ZFP30: variants seen among roughly 807,000 people sequenced by gnomAD.
ZFP30 encodes zinc finger protein 30 homolog.
Under a neutral mutation model 12.3 loss-of-function variants are expected in ZFP30, and 16 were observed. The observed-to-expected ratio is 1.30, with a 90% CI of 0.88 to 1.98. ZFP30 has a LOEUF of 1.98. Ranked by LOEUF, ZFP30 falls within the 30% of genes most tolerant of loss-of-function variation. The pLI, the probability that ZFP30 is intolerant of heterozygous loss-of-function variation, is 0.00. For missense variants in ZFP30, 560 were observed against 611.2 expected (o/e 0.92, Z 0.88); for synonymous variants, 172 against 201.0 (o/e 0.86, Z 1.22).
rs547835211 is a variant in ZFP30, at chr19:37,631,725, T to C, written c.*3256A>G. The stretch of plus-strand genomic sequence containing the variant: ...AGACAATAAGCATGAATTGAGATGA[T>C]ACTGGGCCAGAATCGTATCTCTTTT... On this transcript the variant is annotated 3_prime_UTR_variant, in exon 6 of 6. Coordinates refer to ENST00000684514, the MANE Select transcript of ZFP30 (RefSeq NM_001320669.3). 1 of 149,548 alleles carries C rather than the reference T, an allele frequency of 6.7e-6. No homozygotes were observed. The highest frequency in any genetic ancestry group is 1.5e-5 in the Non-Finnish European group (1 of 67,508). The allele number at this position is 149,548 out of a possible 1,614,324, so 9.3% of individuals were successfully genotyped here. A position where few individuals can be genotyped will look rare whatever the true frequency, so the allele number is the denominator to read the frequency against.
At chr19:37,643,630 C>T (rs1417319300) in intron 4 of ZFP30, among the ~76,000 whole-genome samples, 2 of 152,150 alleles carry the variant, frequency 1.3e-5, no homozygotes, top group Non-Finnish European at 2.9e-5. Flanking sequence ...TCTCTCTGCA[C>T]CTCATTTTTC....
chr19:37,636,954 G>T (rs908611631), intron 5 of ZFP30, among the ~76,000 whole-genome samples: 1 of 151,624 alleles, frequency 6.6e-6, no homozygotes, highest in Non-Finnish European at 1.5e-5. Context: ...CAAGTGATCC[G>T]CCTGCCTCGG....
chr19:37,652,204 CTT>C (rs2044665088), intron 2 of ZFP30, among the ~76,000 whole-genome samples: 1 of 152,162 alleles, frequency 6.6e-6, no homozygotes, highest in Non-Finnish European at 1.5e-5. Context: ...CTGAATTCCT[CTT>C]TTAAACTAAG....
chr19:37,636,086 T>A lies in ZFP30; in HGVS notation c.455A>T (p.His152Leu). Residue 152 changes from histidine (H) to leucine (L), a missense_variant, in exon 6 of 6, where the codon CAT becomes CTT. Coordinates refer to ENST00000684514, the MANE Select transcript of ZFP30 (RefSeq NM_001320669.3). ...ACATTCGTAGGGTTTCTCTCTGTTATGACTTTTCTGATACAGAGGAAGAGA... is the reference window on the plus strand; with the variant it reads ...ACATTCGTAGGGTTTCTCTCTGTTAAGACTTTTCTGATACAGAGGAAGAGA... The part of the protein sequence containing the change: ...LTSLPLYQKS[H>L]NREKPYECGE... The A allele has an allele frequency of 6.2e-7, 1 of 1,614,214 alleles. No individual in the cohort carries two copies.
intron 2 of ZFP30, among the ~76,000 whole-genome samples, chr19:37,653,032 G>A (rs2044683272): frequency 1.3e-5 from 2 of 149,704 alleles, no homozygotes; most frequent in Admixed American, 6.7e-5. Flanking sequence ...CAGGAGAATC[G>A]CTTGAACCCG....
chr19:37,634,538 T>G lies in ZFP30; in HGVS notation c.*443A>C, dbSNP rs2044283130. Reference sequence around the variant, plus strand: ...TTTCTATTATTCTTTCTGCATTCATTAGCCTGGAATTTTCTAATAAAGAAG... The same window carrying G: ...TTTCTATTATTCTTTCTGCATTCATGAGCCTGGAATTTTCTAATAAAGAAG... On this transcript the variant is annotated 3_prime_UTR_variant, in exon 6 of 6. Transcript: ENST00000684514. 1 of 155,092 alleles carries G rather than the reference T, an allele frequency of 6.4e-6. No individual in the cohort carries two copies. Among genetic ancestry groups the G allele is most frequent in the Admixed American group, 6.5e-5 (1 of 15,416 alleles). The allele number at this position is 155,092 out of a possible 1,614,324, so 9.6% of individuals were successfully genotyped here. A position where few individuals can be genotyped will look rare whatever the true frequency, so the allele number is the denominator to read the frequency against.
In ZFP30 at chr19:37,644,814, T is replaced by C. The variant is rs2044508749; in HGVS notation, c.10-78A>G. The C allele has an allele frequency of 3.5e-6, 5 of 1,425,740 alleles. No homozygotes were observed. The South Asian group carries it at 6.7e-5, about 19-fold the overall frequency. 88.3% of individuals were successfully genotyped at this position (1,425,740 alleles called of 1,614,324 possible). A position where few individuals can be genotyped will look rare whatever the true frequency, so the allele number is the denominator to read the frequency against. ...GATGGAAGAAGGTGGCTGGGTGTAG[T>C]GGCTCAATGCTTATAATTCTAGCTT... On this transcript the variant is annotated intron_variant, in intron 3 of 5. Transcript: ENST00000684514.
chr19:37,637,429 T>C (rs1228370175), intron 5 of ZFP30, among the ~76,000 whole-genome samples: 2 of 151,908 alleles, frequency 1.3e-5, no homozygotes, highest in African/African-American at 4.8e-5. Context: ...GACCTCGTGA[T>C]CCACCTGCCT....
At chr19:37,651,751 C>A (rs750627017) in intron 2 of ZFP30, among the ~76,000 whole-genome samples, 6 of 152,128 alleles carry the variant, frequency 3.9e-5, no homozygotes, top group Admixed American at 6.5e-5. Flanking sequence ...TTGATCAAGT[C>A]ATAGGAGCCA....
chr19:37,655,923 A>AG (rs1051708708), upstream of ZFP30: 58 of 152,242 alleles, frequency 3.8e-4, no homozygotes, highest in African/African-American at 1.3e-3. Context: ...GCACCTGCCG[A>AG]GGGGTCGGGA....
At position 37,633,732 on chromosome 19, in the gene ZFP30, T is replaced by A. The variant is rs992683659; in HGVS notation, c.*1249A>T. The A allele has an allele frequency of 6.6e-6, 1 of 152,108 alleles. No homozygotes were observed. Among genetic ancestry groups the A allele is most frequent in the Non-Finnish European group, 1.5e-5 (1 of 68,012 alleles). The allele number at this position is 152,108 out of a possible 1,614,324, so 9.4% of individuals were successfully genotyped here. A position where few individuals can be genotyped will look rare whatever the true frequency, so the allele number is the denominator to read the frequency against. ...ATCTTTAAAAGAACATCATGGAAAATTTTAAATACACAAAAGTAGAATAGC... is the reference window on the plus strand; with the variant it reads ...ATCTTTAAAAGAACATCATGGAAAAATTTAAATACACAAAAGTAGAATAGC... On this transcript the variant is annotated 3_prime_UTR_variant, in exon 6 of 6. Transcript: ENST00000684514.
intron 2 of ZFP30, among the ~76,000 whole-genome samples, chr19:37,648,433 C>T (rs1174590969): frequency 6.6e-6 from 1 of 152,176 alleles, no homozygotes; most frequent in Non-Finnish European, 1.5e-5. Context: ...CTGGCTCCCA[C>T]CCTTAAACAC....
chr19:37,647,945 GT>G (rs1248437244), intron 2 of ZFP30, 46 bp from the exon 3 acceptor site: 1 of 1,179,744 alleles, frequency 8.5e-7, no homozygotes, highest in Non-Finnish European at 1.2e-6. Context: ...CTGCCTCAGA[GT>G]TTCCAAATTT....
chr19:37,643,845 A>G (rs1459287106), intron 4 of ZFP30, among the ~76,000 whole-genome samples: 1 of 152,258 alleles, frequency 6.6e-6, no homozygotes, highest in Non-Finnish European at 1.5e-5. Context: ...ATGCAAATTC[A>G]TGTATTTTAA....
At chr19:37,636,653 G>C (rs2044334152) in intron 5 of ZFP30, among the ~76,000 whole-genome samples, 1 of 151,944 alleles carries the variant, frequency 6.6e-6, no homozygotes, top group Non-Finnish European at 1.5e-5. Context: ...CCCCTTTGCT[G>C]TCCATGTCCC....
upstream of ZFP30, chr19:37,655,819 G>C (rs73035164): frequency 0.19 from 29,208 of 151,768 alleles, 2,929 homozygotes; most frequent in Middle Eastern, 0.32. Context: ...ACGCCTCACC[G>C]GAACCTTTGG....
Position 37,635,716 on chromosome 19 carries a change from A to C in ZFP30, c.825T>G (p.Cys275Trp). 1 of 1,614,198 alleles carries C rather than the reference A, an allele frequency of 6.2e-7. No individual in the cohort carries two copies. Among genetic ancestry groups the C allele is most frequent in the Non-Finnish European group, 8.5e-7 (1 of 1,180,036 alleles). ...GTGCATACTGCCTAAAGGCCTTCCC[A>C]CATTCTTTACATTCATAGGGTTTCT... ...TGEKPYECKECGKAFRQYAHL... is the reference protein window; with the variant it reads ...TGEKPYECKEWGKAFRQYAHL... Residue 275 changes from cysteine (C) to tryptophan (W), a missense_variant, in exon 6 of 6, where the codon TGT (cysteine) becomes TGG (tryptophan). Cys to Trp is a radical substitution (Grantham distance 215). Transcript: ENST00000684514.
chr19:37,632,146 C>T lies in ZFP30; in HGVS notation c.*2835G>A, dbSNP rs1238097548. On this transcript the variant is annotated 3_prime_UTR_variant, in exon 6 of 6. Transcript: ENST00000684514. ...AAATGTATTCTTTTAGAAAGCGTATCTTCTAACCGTCTTAATTTTTCATTT... is the reference window on the plus strand; with the variant it reads ...AAATGTATTCTTTTAGAAAGCGTATTTTCTAACCGTCTTAATTTTTCATTT... The T allele has an allele frequency of 6.6e-6, 1 of 151,424 alleles. No individual in the cohort carries two copies. Among genetic ancestry groups the T allele is most frequent in the African/African-American group, 2.4e-5 (1 of 41,184 alleles). 9.4% of individuals were successfully genotyped at this position (151,424 alleles called of 1,614,324 possible).
At position 37,634,920 on chromosome 19, in the gene ZFP30, C is replaced by T. The variant is rs2147252209; in HGVS notation, c.*61G>A. 2 of 1,462,202 alleles carry T rather than the reference C, an allele frequency of 1.4e-6. No homozygotes were observed. Among genetic ancestry groups the T allele is most frequent in the Non-Finnish European group, 1.8e-6 (2 of 1,109,296 alleles). 90.6% of individuals were successfully genotyped at this position (1,462,202 alleles called of 1,614,324 possible). A position where few individuals can be genotyped will look rare whatever the true frequency, so the allele number is the denominator to read the frequency against. On this transcript the variant is annotated 3_prime_UTR_variant, in exon 6 of 6. Coordinates refer to ENST00000684514, the MANE Select transcript of ZFP30 (RefSeq NM_001320669.3). ...GGGATTCCCACGTTCAAAAACCTTTCCTCTAGAATGTACTTCCTATGCTCA... is the reference window on the plus strand; with the variant it reads ...GGGATTCCCACGTTCAAAAACCTTTTCTCTAGAATGTACTTCCTATGCTCA...
Sources: gnomAD v4.1 joint callset for allele counts (sites outside exome capture counted in the v4.1 genomes callset) on GRCh38, gnomAD v4.1.1 for gene constraint, MANE v1.5 for transcripts, NCBI Gene and HGNC (gene_info 2026-07-23, HGNC 2026-07-21) for gene names.